MLLT11: variants seen among roughly 807,000 people sequenced by gnomAD.
The protein encoded by MLLT11 is protein AF1q.
MLLT11 carries 1 observed loss-of-function variant against 5.3 expected under a neutral mutation model. The ratio of observed to expected loss-of-function variants is 0.19; its 90% confidence interval spans 0.07 to 0.89. The LOEUF (loss-of-function observed/expected upper bound fraction) is 0.89. Among genes scored for constraint, MLLT11 ranks in the 40% least tolerant of loss-of-function variants. MLLT11 has a pLI of 0.67. For missense variants in MLLT11, 87 were observed against 107.3 expected, an observed-to-expected ratio of 0.81 and a Z score of 0.83; for synonymous variants, 38 against 41.7, an observed-to-expected ratio of 0.91 and a Z score of 0.34.
At position 151,068,864 on chromosome 1, in the gene MLLT11, C is replaced by T. The variant is rs191281757; in HGVS notation, c.*1367C>T. The stretch of plus-strand genomic sequence containing the variant: ...CCTCTCAAAGTGCTGAGATTACAGG[C>T]GTGAGCCACTGAGCCCGGCCTCATT... On this transcript the variant is annotated 3_prime_UTR_variant, in exon 2 of 2. Coordinates refer to ENST00000368921, the MANE Select transcript of MLLT11 (RefSeq NM_006818.4). Among the ~76,000 whole-genome samples the T allele has an allele frequency of 2.0e-5, 3 of 152,300 alleles. No homozygotes were observed. The highest frequency in any genetic ancestry group is 1.9e-4 in the East Asian group (1 of 5,188).
In MLLT11 at chr1:151,067,731, G is replaced by A. The variant is rs1433377390; in HGVS notation, c.*234G>A. The A allele has an allele frequency of 1.2e-5, 7 of 560,270 alleles. No homozygotes were observed. Among genetic ancestry groups the A allele is most frequent in the Non-Finnish European group, 2.3e-5 (7 of 309,056 alleles). 34.7% of individuals were successfully genotyped at this position (560,270 alleles called of 1,614,324 possible). ...CAAGCAATGGAGTACTGGGTCACAG[G>A]GATTCCTCCTTTCCCCCCCAAATAT... On this transcript the variant is annotated 3_prime_UTR_variant, in exon 2 of 2. Coordinates refer to ENST00000368921, the MANE Select transcript of MLLT11 (RefSeq NM_006818.4).
chr1:151,062,213 G>T (rs1263722211), intron 1 of MLLT11, among the ~76,000 whole-genome samples: 1 of 151,950 alleles, frequency 6.6e-6, no homozygotes, highest in Non-Finnish European at 1.5e-5. Context: ...TAAAGCTGTT[G>T]GCAACTATCC....
At chr1:151,062,624 G>C (rs587684424) in intron 1 of MLLT11, among the ~76,000 whole-genome samples, 55 of 152,124 alleles carry the variant, frequency 3.6e-4, no homozygotes, top group African/African-American at 1.3e-3. Flanking sequence ...GCCTCCCAAA[G>C]TGCTGAGATT....
At chr1:151,062,982 C>CT (rs1451897314) in intron 1 of MLLT11, among the ~76,000 whole-genome samples, 7 of 152,278 alleles carry the variant, frequency 4.6e-5, no homozygotes, top group Non-Finnish European at 1.0e-4. Context: ...ATGACCTCAC[C>CT]TTTCCAACAT....
At chr1:151,066,118 G>T (rs969333831) in intron 1 of MLLT11, among the ~76,000 whole-genome samples, 1 of 152,188 alleles carries the variant, frequency 6.6e-6, no homozygotes, top group African/African-American at 2.4e-5. Flanking sequence ...GGGAATACAG[G>T]TGTGAGCCAC....
chr1:151,064,572 T>C (rs587607073), intron 1 of MLLT11, among the ~76,000 whole-genome samples: 1 of 152,314 alleles, frequency 6.6e-6, no homozygotes, highest in African/African-American at 2.4e-5. Flanking sequence ...AGAATGATTA[T>C]TTGCAATTCA....
intron 1 of MLLT11, among the ~76,000 whole-genome samples, chr1:151,065,546 A>C (rs1676464999): frequency 6.6e-6 from 1 of 152,222 alleles, no homozygotes; most frequent in African/African-American, 2.4e-5. Flanking sequence ...CTGTAATCCC[A>C]AACTGATGGA....
rs587760078 is a variant in MLLT11, at chr1:151,063,456, T to C, written c.-7+2903T>C. Reference sequence around the variant, plus strand: ...TATTATTATTATTGAGACGGAGTCTTGCTCTTTCGCCCAGGCTGGAGTGCA... The same window carrying C: ...TATTATTATTATTGAGACGGAGTCTCGCTCTTTCGCCCAGGCTGGAGTGCA... On this transcript the variant is annotated intron_variant, in intron 1 of 1. Coordinates refer to ENST00000368921, the MANE Select transcript of MLLT11 (RefSeq NM_006818.4). 5.9e-5 allele frequency among the ~76,000 whole-genome samples: 9 copies of C among 152,268 alleles called. No individual in the cohort carries two copies. In the East Asian group the frequency reaches 7.7e-4, roughly 13 times the overall value.
At chr1:151,062,393 C>T (rs2102979656) in intron 1 of MLLT11, among the ~76,000 whole-genome samples, 1 of 149,298 alleles carries the variant, frequency 6.7e-6, no homozygotes, top group East Asian at 2.0e-4. Flanking sequence ...GATGGAGTCT[C>T]GCTCTGTTGC....
Position 151,067,707 on chromosome 1 carries a change from A to G in MLLT11, c.*210A>G, listed in dbSNP as rs1676494295. 1 of 619,396 alleles carries G rather than the reference A, an allele frequency of 1.6e-6. No homozygotes were observed. Among genetic ancestry groups the G allele is most frequent in the African/African-American group, 1.9e-5 (1 of 54,006 alleles). 38.4% of individuals were successfully genotyped at this position (619,396 alleles called of 1,614,324 possible). ...CCTCAAGTCACAAAGTAAATGGTTC[A>G]AGCAATGGAGTACTGGGTCACAGGG... On this transcript the variant is annotated 3_prime_UTR_variant, in exon 2 of 2. Coordinates refer to ENST00000368921, the MANE Select transcript of MLLT11 (RefSeq NM_006818.4).
At chr1:151,064,476 T>C (rs1237119977) in intron 1 of MLLT11, among the ~76,000 whole-genome samples, 1 of 148,710 alleles carries the variant, frequency 6.7e-6, no homozygotes, top group Non-Finnish European at 1.5e-5. Context: ...TGGCTTTGTG[T>C]ACAAAGCCCA....
In MLLT11 at chr1:151,069,291, C is replaced by G. The variant is rs1050993766; in HGVS notation, c.*1794C>G. 6.6e-6 allele frequency among the ~76,000 whole-genome samples: 1 copy of G among 152,022 alleles called. No individual in the cohort carries two copies. Among genetic ancestry groups the G allele is most frequent in the Non-Finnish European group, 1.5e-5 (1 of 67,996 alleles). ...CAGTGTACTATAAATAAGGATGACACTATACCCTAAATAAGGATGATCTAG... is the reference window on the plus strand; with the variant it reads ...CAGTGTACTATAAATAAGGATGACAGTATACCCTAAATAAGGATGATCTAG... On this transcript the variant is annotated 3_prime_UTR_variant, in exon 2 of 2. Transcript: ENST00000368921.
At chr1:151,065,293 G>A (rs1676460560) in intron 1 of MLLT11, among the ~76,000 whole-genome samples, 1 of 152,092 alleles carries the variant, frequency 6.6e-6, no homozygotes, top group Non-Finnish European at 1.5e-5. Context: ...GAGGTTTTAG[G>A]CCTTCTGAGT....
intron 1 of MLLT11, among the ~76,000 whole-genome samples, chr1:151,063,982 G>C (rs1315788087): frequency 6.6e-6 from 1 of 151,958 alleles, no homozygotes. Context: ...AGAGAAAAGA[G>C]ATCCCTGTTA....
intron 1 of MLLT11, 119 bp from the exon 2 acceptor site, chr1:151,067,100 G>GAAAA: frequency 9.3e-6 from 6 of 645,472 alleles, no homozygotes; most frequent in Middle Eastern, 4.6e-4. Context: ...TTCTTTAATA[G>GAAAA]AAAAAAAAAA....
chr1:151,066,650 C>G (rs1048591180), intron 1 of MLLT11, among the ~76,000 whole-genome samples: 1 of 152,096 alleles, frequency 6.6e-6, no homozygotes. Context: ...TTCGGCCGGG[C>G]GCGGTGGCTC....
At chr1:151,066,226 CT>C (rs2102981011) in intron 1 of MLLT11, among the ~76,000 whole-genome samples, 1 of 152,246 alleles carries the variant, frequency 6.6e-6, no homozygotes, top group South Asian at 2.1e-4. Flanking sequence ...CAACCTCACC[CT>C]GCTGGATTCC....
chr1:151,069,332 G>A lies in MLLT11; in HGVS notation c.*1835G>A, dbSNP rs1676534439. Among the ~76,000 whole-genome samples the A allele has an allele frequency of 6.6e-6, 1 of 152,014 alleles. No individual in the cohort carries two copies. Among genetic ancestry groups the A allele is most frequent in the African/African-American group, 2.4e-5 (1 of 41,390 alleles). On this transcript the variant is annotated 3_prime_UTR_variant, in exon 2 of 2. Coordinates refer to ENST00000368921, the MANE Select transcript of MLLT11 (RefSeq NM_006818.4). ...GATGATCTAGAGAAGTCCCCAGGTGGGAGAAAAAAAGACAAATCCTCCCTC... is the reference window on the plus strand; with the variant it reads ...GATGATCTAGAGAAGTCCCCAGGTGAGAGAAAAAAAGACAAATCCTCCCTC...
In MLLT11 at chr1:151,067,395, G is replaced by C. The variant is rs1392347233; in HGVS notation, c.171G>C (p.Gln57His). 6.2e-7 allele frequency: 1 copy of C among 1,614,166 alleles called. No homozygotes were observed. The highest frequency in any genetic ancestry group is 8.5e-7 in the Non-Finnish European group (1 of 1,180,038). The change falls in exon 2 of 2, where the codon CAG becomes CAC. Residue 57 changes from glutamine (Q) to histidine (H), a missense_variant. By Grantham distance (24) the Gln-to-His change is conservative. Coordinates refer to ENST00000368921, the MANE Select transcript of MLLT11 (RefSeq NM_006818.4). ...KMIGQATAAD[Q>H]EKNPEGDGLL... ...TCGGGCAAGCAACTGCAGCAGACCA[G>C]GAGAAAAACCCTGAAGGTGATGGCC...
Sources: allele counts gnomAD v4.1 joint callset (sites outside exome capture counted in the v4.1 genomes callset), GRCh38; gene constraint gnomAD v4.1.1; transcripts MANE v1.5; gene names NCBI Gene and HGNC (gene_info 2026-07-23, HGNC 2026-07-21).